LCLAT1: variants seen among roughly 807,000 people sequenced by gnomAD.
LCLAT1 encodes 1-AGP acyltransferase 8.
LCLAT1 carries 11 observed loss-of-function variants against 30.7 expected under a neutral mutation model. The ratio of observed to expected loss-of-function variants is 0.36; its 90% CI spans 0.23 to 0.59. The LOEUF is 0.59. Among genes scored for constraint, LCLAT1 ranks in the 20% least tolerant of loss-of-function variants. The pLI, the probability that LCLAT1 is intolerant of heterozygous loss-of-function variation, is 0.77. For missense variants in LCLAT1, 402 were observed against 458.6 expected, an observed-to-expected ratio of 0.88 and a Z score of 1.13; for synonymous variants, 155 against 151.3, an observed-to-expected ratio of 1.02 and a Z score of -0.18.
chr2:30,534,085 T>A (rs72856698), intron 3 of LCLAT1, among the ~76,000 whole-genome samples: 3,891 of 152,276 alleles, frequency 0.026, 174 homozygotes, highest in African/African-American at 0.088. Context: ...CATTTCTCAC[T>A]TAAACTATGT....
chr2:30,585,359 T>G (rs1234597056), intron 5 of LCLAT1, among the ~76,000 whole-genome samples: 1 of 152,206 alleles, frequency 6.6e-6, no homozygotes, highest in African/African-American at 2.4e-5. Flanking sequence ...CAGTCAACCC[T>G]TCACTACATC....
intron 5 of LCLAT1, among the ~76,000 whole-genome samples, chr2:30,576,121 C>T (rs2148460209): frequency 6.6e-6 from 1 of 151,980 alleles, no homozygotes; most frequent in East Asian, 1.9e-4. Context: ...AATATTGGTG[C>T]CCTGTATAAT....
In LCLAT1 at chr2:30,469,656, A is replaced by G. The variant is rs367751679; in HGVS notation, c.-5+22273A>G. Among the ~76,000 whole-genome samples the G allele has an allele frequency of 2.1e-5, 3 of 143,450 alleles. No individual in the cohort carries two copies. In the Admixed American group the frequency reaches 2.2e-4, roughly 11 times the overall value. The allele number at this position is 143,450 out of a possible 152,430, so 94.1% of individuals were successfully genotyped here. A position where few individuals can be genotyped will look rare whatever the true frequency, so the allele number is the denominator to read the frequency against. Reference sequence around the variant, plus strand: ...TGCAGTGGTGTGATCTGGACTCACTACAACCTCCGCCTCTGGGGTTCAAGC... The same window carrying G: ...TGCAGTGGTGTGATCTGGACTCACTGCAACCTCCGCCTCTGGGGTTCAAGC... On this transcript the variant is annotated intron_variant, in intron 1 of 5. Coordinates refer to ENST00000379509, the MANE Select transcript of LCLAT1 (RefSeq NM_001002257.3).
At chr2:30,476,299 G>A (rs548147847) in intron 1 of LCLAT1, 2 of 438,020 alleles carry the variant, frequency 4.6e-6, no homozygotes, top group Non-Finnish European at 9.2e-6. Context: ...AATTTGCCCA[G>A]GGTCACACAG....
chr2:30,496,430 C>T (rs557029030), intron 1 of LCLAT1, among the ~76,000 whole-genome samples: 5 of 152,148 alleles, frequency 3.3e-5, no homozygotes, highest in South Asian at 2.1e-4. Flanking sequence ...GTCTTTCTTC[C>T]GGGTACTGTA....
chr2:30,493,107 T>A (rs1374120208), intron 1 of LCLAT1, among the ~76,000 whole-genome samples: 2 of 152,180 alleles, frequency 1.3e-5, no homozygotes, highest in African/African-American at 4.8e-5. Context: ...AGCAAGACAG[T>A]TGCAGTAATG....
chr2:30,500,297 C>T (rs1249422065), intron 1 of LCLAT1, among the ~76,000 whole-genome samples: 1 of 152,136 alleles, frequency 6.6e-6, no homozygotes, highest in Non-Finnish European at 1.5e-5. Flanking sequence ...TCTCTTATTT[C>T]TACCTCTTCT....
intron 5 of LCLAT1, among the ~76,000 whole-genome samples, chr2:30,587,137 C>G (rs1343290750): frequency 6.6e-6 from 1 of 152,222 alleles, no homozygotes; most frequent in Non-Finnish European, 1.5e-5. Flanking sequence ...ATGGACACCC[C>G]CTTCCTCTAG....
At chr2:30,494,290 G>A (rs527299053) in intron 1 of LCLAT1, among the ~76,000 whole-genome samples, 64 of 152,216 alleles carry the variant, frequency 4.2e-4, no homozygotes, top group African/African-American at 1.2e-3. Flanking sequence ...AAGTCAGTGG[G>A]TGAAGTTTAG....
chr2:30,575,629 C>T (rs1010150939), intron 5 of LCLAT1, among the ~76,000 whole-genome samples: 4 of 151,882 alleles, frequency 2.6e-5, no homozygotes, highest in African/African-American at 4.8e-5. Flanking sequence ...TTTTAACTAC[C>T]GGAGGATAAA....
chr2:30,541,834 A>G (rs1051075163), intron 3 of LCLAT1, among the ~76,000 whole-genome samples: 44 of 96,106 alleles, frequency 4.6e-4, no homozygotes, highest in African/African-American at 1.2e-3. Context: ...CATTTTTACC[A>G]GTAGTGTAAG....
At chr2:30,494,878 G>A (rs929418819) in intron 1 of LCLAT1, among the ~76,000 whole-genome samples, 17 of 150,526 alleles carry the variant, frequency 1.1e-4, no homozygotes. Context: ...GGGGTGGAGG[G>A]AAGTATAGTA....
intron 3 of LCLAT1, among the ~76,000 whole-genome samples, chr2:30,556,688 A>C (rs1049784487): frequency 2.0e-5 from 3 of 152,196 alleles, no homozygotes; most frequent in African/African-American, 4.8e-5. Context: ...ACCAGTCAGC[A>C]AACTGTTAAT....
intron 4 of LCLAT1, among the ~76,000 whole-genome samples, chr2:30,564,092 A>G (rs561050406): frequency 6.6e-6 from 1 of 152,308 alleles, no homozygotes; most frequent in South Asian, 2.1e-4. Context: ...ATATTATTGT[A>G]AGTTGTAAGT....
At chr2:30,623,518 A>C (rs897700117) in intron 5 of LCLAT1, among the ~76,000 whole-genome samples, 3 of 152,156 alleles carry the variant, frequency 2.0e-5, no homozygotes, top group Non-Finnish European at 4.4e-5. Flanking sequence ...AGAACTTCAG[A>C]GCTCAGACAA....
At chr2:30,476,628 C>T in intron 1 of LCLAT1, 2 of 424,548 alleles carry the variant, frequency 4.7e-6, no homozygotes, top group Non-Finnish European at 9.4e-6. Flanking sequence ...GCCGATTCTA[C>T]CATTATGGTG....
At chr2:30,556,988 C>A (rs961692901) in intron 3 of LCLAT1, among the ~76,000 whole-genome samples, 2 of 152,144 alleles carry the variant, frequency 1.3e-5, no homozygotes, top group African/African-American at 2.4e-5. Context: ...ACGTGATCCG[C>A]CTGCGTCGGC....
chr2:30,447,697 C>A (rs1212911287), intron 1 of LCLAT1, among the ~76,000 whole-genome samples: 1 of 152,228 alleles, frequency 6.6e-6, no homozygotes, highest in Admixed American at 6.5e-5. Flanking sequence ...AGGGTCCCGT[C>A]GGTGTTTACG....
rs76506951 is a variant in LCLAT1, at chr2:30,545,718, T to G, written c.364+12404T>G. ...AGATTTTTACTTTTAGCCAATTTTA[T>G]GACCACTTAACTAGTGAAATGAAAT... On this transcript the variant is annotated intron_variant, in intron 3 of 5. Coordinates refer to ENST00000379509, the MANE Select transcript of LCLAT1 (RefSeq NM_001002257.3). 2.6e-3 allele frequency among the ~76,000 whole-genome samples: 391 copies of G among 152,304 alleles called. 12 individuals carry two copies. In the East Asian group the frequency reaches 0.064, roughly 25 times the overall value.
Sources: allele counts gnomAD v4.1 joint callset (sites outside exome capture counted in the v4.1 genomes callset), GRCh38; gene constraint gnomAD v4.1.1; transcripts MANE v1.5; gene names NCBI Gene and HGNC (gene_info 2026-07-23, HGNC 2026-07-21).